AKR1C8: variants seen among roughly 807,000 people sequenced by gnomAD.
The protein encoded by AKR1C8 is aldo-keto reductase family 1 member C-like protein 1.
chr10:5,135,543 T>C, the AKR1C8 span, among the ~76,000 whole-genome samples: 2 of 149,816 alleles, frequency 1.3e-5, no homozygotes, highest in African/African-American at 5.0e-5. Context: ...GGCTATCTAT[T>C]ATCTATCTAT....
the AKR1C8 span, among the ~76,000 whole-genome samples, chr10:5,128,710 A>T: frequency 6.6e-6 from 1 of 152,118 alleles, no homozygotes; most frequent in Non-Finnish European, 1.5e-5. Context: ...TTATATAATG[A>T]TAAAAGAATC....
the AKR1C8 span, among the ~76,000 whole-genome samples, chr10:5,148,334 T>G: frequency 6.6e-6 from 1 of 152,050 alleles, no homozygotes; most frequent in Non-Finnish European, 1.5e-5. Flanking sequence ...GCAATAACAC[T>G]CATGTGCCTC....
the AKR1C8 span, among the ~76,000 whole-genome samples, chr10:5,171,343 A>G: frequency 6.6e-6 from 1 of 152,080 alleles, no homozygotes; most frequent in Non-Finnish European, 1.5e-5. Flanking sequence ...CCTGTGGCAC[A>G]CAATAATTTT....
the AKR1C8 span, chr10:5,161,837 A>G: frequency 3.7e-6 from 2 of 534,594 alleles, no homozygotes; most frequent in Non-Finnish European, 7.7e-6. Flanking sequence ...GGGCATAACA[A>G]GGAAAAACAA....
At chr10:5,179,707 C>T in the AKR1C8 span, among the ~76,000 whole-genome samples, 1 of 151,800 alleles carries the variant, frequency 6.6e-6, no homozygotes, top group Admixed American at 6.6e-5. Context: ...TTCCCTTCTC[C>T]CTTCATTTCA....
At chr10:5,144,618 T>G in the AKR1C8 span, among the ~76,000 whole-genome samples, 20 of 152,138 alleles carry the variant, frequency 1.3e-4, no homozygotes, top group South Asian at 3.5e-3. Context: ...TCCTAGGTAT[T>G]TTATTCTCTT....
At chr10:5,122,155 C>T in the AKR1C8 span, 1 of 397,784 alleles carries the variant, frequency 2.5e-6, no homozygotes, top group Non-Finnish European at 5.2e-6. Flanking sequence ...GGAGTCAACT[C>T]AAAGTCAAAA....
chr10:5,150,483 C>T, the AKR1C8 span, among the ~76,000 whole-genome samples: 1 of 152,044 alleles, frequency 6.6e-6, no homozygotes, highest in Admixed American at 6.6e-5. Flanking sequence ...ATATAAATCA[C>T]ACTCAAAGAA....
the AKR1C8 span, among the ~76,000 whole-genome samples, chr10:5,138,775 C>T: frequency 6.6e-5 from 10 of 151,904 alleles, no homozygotes; most frequent in Non-Finnish European, 1.0e-4. Flanking sequence ...CAGGGATGCC[C>T]TCTCTCACCA....
At chr10:5,182,057 T>C in the AKR1C8 span, among the ~76,000 whole-genome samples, 1 of 152,220 alleles carries the variant, frequency 6.6e-6, no homozygotes, top group East Asian at 1.9e-4. Context: ...ATTTTGTTTT[T>C]TTCAGAGTCA....
chr10:5,169,850 CTGAG>C, the AKR1C8 span, among the ~76,000 whole-genome samples: 1 of 151,964 alleles, frequency 6.6e-6, no homozygotes, highest in African/African-American at 2.4e-5. Context: ...AGGGTTGAGG[CTGAG>C]TAAGATGAGT....
the AKR1C8 span, among the ~76,000 whole-genome samples, chr10:5,130,564 CAAATTCAGT>C: frequency 6.6e-6 from 1 of 151,844 alleles, no homozygotes; most frequent in African/African-American, 2.4e-5. Flanking sequence ...ATTTGATAAA[CAAATTCAGT>C]AAAGTATCAG....
chr10:5,169,058 C>A, the AKR1C8 span, among the ~76,000 whole-genome samples: 5 of 129,964 alleles, frequency 3.8e-5, no homozygotes, highest in African/African-American at 8.3e-5. Flanking sequence ...CTCAGACAAG[C>A]ACTGACATCA....
the AKR1C8 span, among the ~76,000 whole-genome samples, chr10:5,139,926 C>A: frequency 1.3e-5 from 2 of 152,068 alleles, no homozygotes; most frequent in Non-Finnish European, 2.9e-5. Context: ...CCAGAATCTA[C>A]AAAGAACTTA....
At chr10:5,145,452 T>C in the AKR1C8 span, among the ~76,000 whole-genome samples, 6 of 151,936 alleles carry the variant, frequency 3.9e-5, no homozygotes, top group South Asian at 2.1e-4. Flanking sequence ...ACTCATCTGA[T>C]AAAGGGCTAA....
chr10:5,138,308 T>A, the AKR1C8 span, among the ~76,000 whole-genome samples: 46 of 152,132 alleles, frequency 3.0e-4, no homozygotes, highest in African/African-American at 1.1e-3. Context: ...CTTCCCAGGG[T>A]ATTAATATTA....
the AKR1C8 span, among the ~76,000 whole-genome samples, chr10:5,144,855 G>A: frequency 9.2e-5 from 14 of 152,178 alleles, no homozygotes; most frequent in East Asian, 3.9e-4. Flanking sequence ...AATTGACTAC[G>A]CTTTATTTCT....
the AKR1C8 span, among the ~76,000 whole-genome samples, chr10:5,170,565 T>C: frequency 1.3e-5 from 2 of 152,094 alleles, no homozygotes; most frequent in Admixed American, 6.6e-5. Flanking sequence ...ACCTATGAGT[T>C]GGTGAATTTC....
the AKR1C8 span, among the ~76,000 whole-genome samples, chr10:5,170,160 A>C: frequency 1.3e-5 from 2 of 152,102 alleles, no homozygotes; most frequent in African/African-American, 4.8e-5. Context: ...ACTCAGAGGC[A>C]GTGCCTGCTG....
Sources: allele counts gnomAD v4.1 joint callset (sites outside exome capture counted in the v4.1 genomes callset), GRCh38; gene constraint gnomAD v4.1.1; transcripts MANE v1.5; gene names NCBI Gene and HGNC (gene_info 2026-07-23, HGNC 2026-07-21).